Variants in CCDC59 observed in about 807,000 individuals in gnomAD.
The protein encoded by CCDC59 is thyroid transcription factor 1-associated protein 26.
In CCDC59, 27 loss-of-function variants were observed where a neutral mutation model predicts 30.5. The observed-to-expected ratio is 0.89, with a 90% CI of 0.65 to 1.22. The LOEUF is 1.22. Ranked by LOEUF, CCDC59 falls within the 50% of genes most tolerant of loss-of-function variation. The probability of loss-of-function intolerance (pLI) is 0.00; values close to 1 mark genes in which losing one functional copy is unlikely to be tolerated. For missense variants in CCDC59, 362 were observed against 284.4 expected (o/e 1.27, Z -1.96); for synonymous variants, 125 against 100.9 (o/e 1.24, Z -1.43).
At chr12:82,357,872 G>T (rs1264626268) in intron 1 of CCDC59, among the ~76,000 whole-genome samples, 1 of 152,148 alleles carries the variant, frequency 6.6e-6, no homozygotes, top group African/African-American at 2.4e-5. Flanking sequence ...GGAAGAATTC[G>T]GAGCAGTGTT....
chr12:82,352,428 G>A lies in CCDC59; in HGVS notation c.*723C>T, dbSNP rs1048129867. 6.6e-6 allele frequency: 1 copy of A among 152,244 alleles called. No individual in the cohort carries two copies. Among genetic ancestry groups the A allele is most frequent in the African/African-American group, 2.4e-5 (1 of 41,468 alleles). The allele number at this position is 152,244 out of a possible 1,614,324, so 9.4% of individuals were successfully genotyped here. On this transcript the variant is annotated 3_prime_UTR_variant, in exon 4 of 4. Transcript: ENST00000256151. Reference sequence around the variant, plus strand: ...CATTCTTCTGCAATTTGCAAAGCATGAGAAGCAGTTATCCCAGTGGCTTAT... The same window carrying A: ...CATTCTTCTGCAATTTGCAAAGCATAAGAAGCAGTTATCCCAGTGGCTTAT...
intron 3 of CCDC59, 71 bp downstream of exon 3, chr12:82,354,424 C>G (rs1336714345): frequency 1.7e-6 from 2 of 1,189,832 alleles, no homozygotes; most frequent in African/African-American, 3.2e-5. Flanking sequence ...CCAAGAAGCA[C>G]AACAGGTATA....
intron 2 of CCDC59, chr12:82,356,221 A>T (rs1881005012): frequency 6.6e-6 from 1 of 152,236 alleles, no homozygotes; most frequent in African/African-American, 2.4e-5. Flanking sequence ...TTTTAACTTT[A>T]AGTATGCAGC....
At chr12:82,356,653 G>A (rs186724398) in intron 2 of CCDC59, among the ~76,000 whole-genome samples, 3 of 152,276 alleles carry the variant, frequency 2.0e-5, no homozygotes, top group African/African-American at 7.2e-5. Context: ...ACACCTCTCA[G>A]AAGTTATTTT....
In CCDC59 at chr12:82,358,333, A is replaced by G. The variant is rs770439377; in HGVS notation, c.44T>C (p.Ile15Thr). 1.2e-6 allele frequency: 2 copies of G among 1,614,014 alleles called. No homozygotes were observed. Among genetic ancestry groups the G allele is most frequent in the South Asian group, 2.2e-5 (2 of 91,080 alleles). Residue 15 changes from isoleucine (I) to threonine (T), a missense_variant, in exon 1 of 4, where the codon ATT becomes ACT. Transcript: ENST00000256151. ...RRSAKWRPGG[I>T]EARGEGVSTV... is the part of the protein sequence containing the mutation. The stretch of plus-strand genomic sequence containing the variant: ...GGAAACCCCTTCACCACGCGCCTCA[A>G]TACCACCAGGCCGCCACTTCGCGGA...
rs757984233 is a variant in CCDC59 at position 82,353,137 on chromosome 12, T to G, written c.*14A>C. On this transcript the variant is annotated 3_prime_UTR_variant, in exon 4 of 4. Coordinates refer to ENST00000256151, the MANE Select transcript of CCDC59 (RefSeq NM_014167.5). ...AATAGGCAGCAGATATTTTAACCTG[T>G]AGGAACAAAATGTTTAACATTTTTC... 4.4e-6 allele frequency: 7 copies of G among 1,591,196 alleles called. No homozygotes were observed. Among genetic ancestry groups the G allele is most frequent in the Non-Finnish European group, 6.0e-6 (7 of 1,171,314 alleles).
intron 1 of CCDC59, 77 bp from the exon 2 acceptor site, chr12:82,357,346 T>C: frequency 1.6e-6 from 2 of 1,248,326 alleles, no homozygotes; most frequent in East Asian, 2.3e-5. Flanking sequence ...TAATTACAAA[T>C]GAAAACTTTT....
chr12:82,357,940 G>A (rs895188691), intron 1 of CCDC59, among the ~76,000 whole-genome samples: 2 of 152,190 alleles, frequency 1.3e-5, no homozygotes, highest in South Asian at 2.1e-4. Context: ...AGTTCACAGG[G>A]TCATAGACTC....
chr12:82,358,795 G>C (rs201805528), upstream of CCDC59: 2 of 1,613,316 alleles, frequency 1.2e-6, no homozygotes, highest in South Asian at 2.2e-5. Flanking sequence ...TCAGAGACGC[G>C]CCCCCTAGTG....
Position 82,358,364 on chromosome 12 carries a change from T to C in CCDC59, c.13A>G (p.Arg5Gly), listed in dbSNP as rs1455984143. 4 of 1,613,506 alleles carry C rather than the reference T, an allele frequency of 2.5e-6. No individual in the cohort carries two copies. Among genetic ancestry groups the C allele is most frequent in the Non-Finnish European group, 2.5e-6 (3 of 1,179,998 alleles). Residue 5 changes from arginine to glycine, a missense_variant, in exon 1 of 4, where the codon AGG (arginine) becomes GGG (glycine). Arg to Gly is a moderately radical substitution (Grantham distance 125). Coordinates refer to ENST00000256151, the MANE Select transcript of CCDC59 (RefSeq NM_014167.5). MAPVRRSAKWRPGGI... is the reference protein window; with the variant it reads MAPVGRSAKWRPGGI... ...CCAGGCCGCCACTTCGCGGACCGCC[T>C]CACCGGCGCCATTGCAGCCGACTAA...
chr12:82,357,098 C>T lies in CCDC59; in HGVS notation c.326G>A (p.Arg109Lys), dbSNP rs1444509184. 1 of 1,614,184 alleles carries T rather than the reference C, an allele frequency of 6.2e-7. No homozygotes were observed. The highest frequency in any genetic ancestry group is 8.5e-7 in the Non-Finnish European group (1 of 1,180,024). ...AEEERHRKQA[R>K]KVDHPLSEQV... ...TTCTGACAAAGGATGGTCGACTTTT[C>T]TTGCTTGCTTCCTATGTCTTTCCTC... Residue 109 changes from arginine (R) to lysine (K), a missense_variant, in exon 2 of 4, where the codon AGA (arginine) becomes AAA (lysine). By Grantham distance (26) the Arg-to-Lys change is conservative (BLOSUM62 2). Transcript: ENST00000256151.
chr12:82,358,484 T>C, upstream of CCDC59: 2 of 1,595,698 alleles, frequency 1.3e-6, no homozygotes, highest in Non-Finnish European at 1.7e-6. Flanking sequence ...GGAGCTCTAC[T>C]GAGCCTGCCT....
At chr12:82,358,468 C>T, upstream of CCDC59, 3 of 1,599,626 alleles carry the variant, frequency 1.9e-6, no homozygotes, top group Admixed American at 1.7e-5. Context: ...AGAAGGAATC[C>T]GGCTCGGAGC....
At chr12:82,353,722 T>C (rs1028865299) in intron 3 of CCDC59, among the ~76,000 whole-genome samples, 1 of 152,152 alleles carries the variant, frequency 6.6e-6, no homozygotes, top group African/African-American at 2.4e-5. Flanking sequence ...TGCCACCAGC[T>C]TAAGAACAAT....
upstream of CCDC59, chr12:82,358,772 G>A (rs200665135): frequency 1.2e-5 from 20 of 1,613,936 alleles, no homozygotes; most frequent in South Asian, 1.5e-4. Context: ...CGTCGGAGAC[G>A]GAGGCCCTGC....
At chr12:82,358,490 T>G, upstream of CCDC59, 3 of 1,596,346 alleles carry the variant, frequency 1.9e-6, no homozygotes, top group Non-Finnish European at 2.6e-6. Context: ...CTACTGAGCC[T>G]GCCTGTGCTA....
At position 82,352,948 on chromosome 12, in the gene CCDC59, C is replaced by A. The variant is rs1436628714; in HGVS notation, c.*203G>T. ...AGGTTCTTTCAGTTCTTCAGGCCAA[C>A]CTTCCTTCAGAGGCAAATAAATAAG... On this transcript the variant is annotated 3_prime_UTR_variant, in exon 4 of 4. Transcript: ENST00000256151. 2 of 415,346 alleles carry A rather than the reference C, an allele frequency of 4.8e-6. No individual in the cohort carries two copies. The highest frequency in any genetic ancestry group is 2.1e-5 in the African/African-American group (1 of 48,778). The allele number at this position is 415,346 out of a possible 1,614,324, so 25.7% of individuals were successfully genotyped here.
rs936505463 is a variant in CCDC59 at position 82,357,279 on chromosome 12, G to C, written c.155-10C>G. On this transcript the variant is annotated splice_polypyrimidine_tract_variant and intron_variant, in intron 1 of 3. Coordinates refer to ENST00000256151, the MANE Select transcript of CCDC59 (RefSeq NM_014167.5). ...AAAGCAAAGCCTTGTCCTACATTGA[G>C]GAATATCATCCAAAATTACTTTCAG... 5 of 1,474,012 alleles carry C rather than the reference G, an allele frequency of 3.4e-6. No homozygotes were observed. In the Admixed American group the frequency reaches 6.8e-5, roughly 20 times the overall value. 91.3% of individuals were successfully genotyped at this position (1,474,012 alleles called of 1,614,324 possible). A position where few individuals can be genotyped will look rare whatever the true frequency, so the allele number is the denominator to read the frequency against.
upstream of CCDC59, chr12:82,358,509 C>T: frequency 2.5e-6 from 4 of 1,596,136 alleles, no homozygotes; most frequent in African/African-American, 1.3e-5. Flanking sequence ...TAATTTGGGC[C>T]GAGCTGGCGC....
Sources: allele counts gnomAD v4.1 joint callset (sites outside exome capture counted in the v4.1 genomes callset), GRCh38; gene constraint gnomAD v4.1.1; transcripts MANE v1.5; gene names NCBI Gene and HGNC (gene_info 2026-07-23, HGNC 2026-07-21).